Variants in ULK4 observed in about 807,000 individuals in gnomAD.
The protein encoded by ULK4 is unc-51 like kinase 4.
In ULK4, 133 loss-of-function variants were observed where a neutral mutation model predicts 160.6. That is an observed-to-expected ratio of 0.83 (90% confidence interval 0.72 to 0.96). The LOEUF is 0.96. Among genes scored for constraint, ULK4 ranks in the 40% least tolerant of loss-of-function variants. ULK4 has a pLI of 0.00. For synonymous variants in ULK4, 534 were observed against 539.8 expected (o/e 0.99, Z 0.15); for missense variants, 1,580 against 1,499.5 (o/e 1.05, Z -0.89).
intron 4 of ULK4, among the ~76,000 whole-genome samples, chr3:41,934,218 T>C (rs1183630166): frequency 1.3e-5 from 2 of 152,208 alleles, no homozygotes. Context: ...TTACAAATTG[T>C]CTACAGCTGC....
intron 32 of ULK4, among the ~76,000 whole-genome samples, chr3:41,486,108 C>T (rs2084519743): frequency 6.6e-6 from 1 of 152,072 alleles, no homozygotes; most frequent in South Asian, 2.1e-4. Context: ...TTCCCTTTAC[C>T]CCACAATCAA....
chr3:41,343,585 T>G (rs1279467849), intron 35 of ULK4, among the ~76,000 whole-genome samples: 1 of 151,938 alleles, frequency 6.6e-6, no homozygotes, highest in Non-Finnish European at 1.5e-5. Flanking sequence ...ATTACAGGCG[T>G]GAGCCACCAC....
At chr3:41,352,556 T>C (rs1480463028) in intron 35 of ULK4, among the ~76,000 whole-genome samples, 1 of 152,150 alleles carries the variant, frequency 6.6e-6, no homozygotes, top group Non-Finnish European at 1.5e-5. Context: ...CTGCAATATC[T>C]CTTTCAGTTA....
intron 32 of ULK4, among the ~76,000 whole-genome samples, chr3:41,544,782 A>C (rs2086804349): frequency 6.6e-6 from 1 of 152,188 alleles, no homozygotes; most frequent in South Asian, 2.1e-4. Context: ...AGACAGGTCA[A>C]ATTGTGGCAA....
At chr3:41,866,310 TTAAG>T (rs1448991616) in intron 17 of ULK4, among the ~76,000 whole-genome samples, 4 of 152,190 alleles carry the variant, frequency 2.6e-5, no homozygotes, top group Non-Finnish European at 5.9e-5. Context: ...CTGAATATAA[TTAAG>T]TATCAATATA....
intron 12 of ULK4, among the ~76,000 whole-genome samples, chr3:41,902,694 C>T (rs1190942413): frequency 6.6e-6 from 1 of 150,384 alleles, no homozygotes; most frequent in African/African-American, 2.4e-5. Context: ...AAAAGATGGA[C>T]TTTCATGGTA....
intron 35 of ULK4, among the ~76,000 whole-genome samples, chr3:41,255,299 C>T (rs1048771709): frequency 7.2e-5 from 11 of 151,796 alleles, no homozygotes; most frequent in African/African-American, 9.7e-5. Context: ...CTGGCTGACA[C>T]GGTGAAACCC....
chr3:41,881,895 T>G (rs1438304452), intron 17 of ULK4, among the ~76,000 whole-genome samples: 2 of 152,176 alleles, frequency 1.3e-5, no homozygotes, highest in African/African-American at 4.8e-5. Flanking sequence ...AGAAATACTT[T>G]GAGAATATAA....
chr3:41,562,809 T>C (rs2087640704), intron 32 of ULK4, among the ~76,000 whole-genome samples: 1 of 152,200 alleles, frequency 6.6e-6, no homozygotes, highest in African/African-American at 2.4e-5. Context: ...CTTGATTCTT[T>C]ATCCAATTTG....
chr3:41,516,085 AAATAT>A (rs56205708), intron 32 of ULK4, among the ~76,000 whole-genome samples: 63,605 of 151,690 alleles, frequency 0.42, 14,796 homozygotes, highest in Non-Finnish European at 0.52. Context: ...AAAGTAAATA[AAATAT>A]AACAAAAGAT....
chr3:41,814,925 T>C (rs1287878556), intron 19 of ULK4, among the ~76,000 whole-genome samples: 2 of 150,610 alleles, frequency 1.3e-5, no homozygotes, highest in East Asian at 3.9e-4. Context: ...TTTTTTTTTT[T>C]TGAGATGGAG....
chr3:41,448,437 A>C (rs1012443615), intron 34 of ULK4, among the ~76,000 whole-genome samples: 1 of 152,198 alleles, frequency 6.6e-6, no homozygotes, highest in African/African-American at 2.4e-5. Flanking sequence ...TATGACTAGA[A>C]AAACCAAGAG....
intron 21 of ULK4, among the ~76,000 whole-genome samples, chr3:41,756,280 C>T (rs1470613320): frequency 6.6e-6 from 1 of 152,172 alleles, no homozygotes; most frequent in Non-Finnish European, 1.5e-5. Flanking sequence ...TGAATTACTA[C>T]AATCGGCTTT....
chr3:41,906,247 A>G (rs1575924253), intron 12 of ULK4, among the ~76,000 whole-genome samples: 1 of 146,718 alleles, frequency 6.8e-6, no homozygotes, highest in African/African-American at 2.5e-5. Context: ...AGTTAAGGCC[A>G]GGTGCAGTGG....
chr3:41,547,526 G>A (rs1253107612), intron 32 of ULK4, among the ~76,000 whole-genome samples: 4 of 152,134 alleles, frequency 2.6e-5, no homozygotes, highest in Non-Finnish European at 5.9e-5. Context: ...CCCTAGCCAT[G>A]GGAGAGCTCC....
chr3:41,770,623 G>A (rs1300933891), intron 21 of ULK4, among the ~76,000 whole-genome samples: 1 of 150,326 alleles, frequency 6.7e-6, no homozygotes, highest in Non-Finnish European at 1.5e-5. Flanking sequence ...TGATCCTCCT[G>A]CCTCACCCTC....
At chr3:41,836,054 C>G (rs762712313) in intron 17 of ULK4, 83 bp from the exon 18 acceptor site, 42 of 865,130 alleles carry the variant, frequency 4.9e-5, no homozygotes, top group Non-Finnish European at 7.0e-5. Context: ...GCAGGATACC[C>G]TGTAAAAGTC....
rs772507184 is a variant in ULK4 at position 41,754,313 on chromosome 3, C to T, written c.2321+48G>A. On this transcript the variant is annotated intron_variant, in intron 22 of 36. Coordinates refer to ENST00000301831, the MANE Select transcript of ULK4 (RefSeq NM_017886.4). Reference sequence around the variant, plus strand: ...AAATACCCTACAACTACTAATACAACAGGCACTAAATTGAAGTTACTGATG... The same window carrying T: ...AAATACCCTACAACTACTAATACAATAGGCACTAAATTGAAGTTACTGATG... 7 of 1,579,826 alleles carry T rather than the reference C, an allele frequency of 4.4e-6. No individual in the cohort carries two copies. The South Asian group carries it at 8.3e-5, about 19-fold the overall frequency.
intron 22 of ULK4, among the ~76,000 whole-genome samples, chr3:41,725,647 CT>C (rs1422800490): frequency 2.0e-5 from 3 of 152,180 alleles, no homozygotes; most frequent in Admixed American, 2.0e-4. Flanking sequence ...AAGTCTGTAT[CT>C]GATAACTCTA....
Sources: gnomAD v4.1 joint callset for allele counts (sites outside exome capture counted in the v4.1 genomes callset) on GRCh38, gnomAD v4.1.1 for gene constraint, MANE v1.5 for transcripts, NCBI Gene and HGNC (gene_info 2026-07-23, HGNC 2026-07-21) for gene names.